The following IRAG2 variants were observed in gnomAD, a reference collection of about 807,000 sequenced individuals.
IRAG2 encodes inositol 1,4,5-triphosphate receptor associated 2.
In IRAG2, 45 loss-of-function variants were observed where a neutral mutation model predicts 69.9. The ratio of observed to expected loss-of-function variants is 0.64; its 90% CI spans 0.51 to 0.83. IRAG2 has a LOEUF of 0.83. IRAG2 is among the 40% of genes least tolerant of loss of function. The pLI, the probability that IRAG2 is intolerant of heterozygous loss-of-function variation, is 0.00. For synonymous variants in IRAG2, 193 were observed against 202.4 expected, an observed-to-expected ratio of 0.95 and a Z score of 0.40; for missense variants, 520 against 587.0, an observed-to-expected ratio of 0.89 and a Z score of 1.18.
At chr12:25,033,678 C>A (rs770044086) in intron 12 of IRAG2, 1 of 384,544 alleles carries the variant, frequency 2.6e-6, no homozygotes, top group Non-Finnish European at 4.6e-6. Flanking sequence ...CTGTGCAGCT[C>A]CTGGAGGACA....
intron 9 of IRAG2, among the ~76,000 whole-genome samples, chr12:25,080,353 A>ACC (rs1283073945): frequency 1.0e-4 from 14 of 137,634 alleles, no homozygotes; most frequent in African/African-American, 3.8e-4. Flanking sequence ...TTTTTCTTTT[A>ACC]TCTTTTTTTT....
At chr12:25,036,631 G>A (rs1405319617) in exon 15 of IRAG2, 6 of 398,742 alleles carry the variant, frequency 1.5e-5, no homozygotes, top group South Asian at 1.3e-4. Flanking sequence ...AACTCTCGAC[G>A]GTGGGTAACT....
intron 11 of IRAG2, among the ~76,000 whole-genome samples, chr12:25,088,806 A>G (rs891267061): frequency 2.6e-5 from 4 of 152,234 alleles, no homozygotes; most frequent in Admixed American, 1.3e-4. Context: ...GGACAATAAA[A>G]GTATCTACAA....
chr12:25,084,401 AAAG>A (rs1457171951), intron 10 of IRAG2, among the ~76,000 whole-genome samples: 7 of 152,140 alleles, frequency 4.6e-5, no homozygotes, highest in Middle Eastern at 3.4e-3. Flanking sequence ...AAAAGAAAAA[AAAG>A]AGAGAGAGAG....
chr12:25,070,372 T>C (rs1946262752), intron 6 of IRAG2, among the ~76,000 whole-genome samples: 1 of 152,212 alleles, frequency 6.6e-6, no homozygotes, highest in African/African-American at 2.4e-5. Context: ...TCATACAATA[T>C]ATGGCCTTCT....
intron 2 of IRAG2, among the ~76,000 whole-genome samples, chr12:25,006,588 TG>T (rs1454554869): frequency 6.6e-6 from 1 of 152,208 alleles, no homozygotes; most frequent in Non-Finnish European, 1.5e-5. Flanking sequence ...TGGATGCAGC[TG>T]GAGGCTATTA....
chr12:25,032,161 A>C (rs1315307883), exon 11 of IRAG2: 2 of 398,940 alleles, frequency 5.0e-6, no homozygotes, highest in Non-Finnish European at 8.8e-6. Context: ...TATATAGAAG[A>C]ACTTAAATCA....
intron 3 of IRAG2, among the ~76,000 whole-genome samples, chr12:25,012,279 A>T (rs1364089104): frequency 6.7e-6 from 1 of 149,952 alleles, no homozygotes; most frequent in African/African-American, 2.5e-5. Flanking sequence ...CACACCCTCC[A>T]GAGTAGCTGG....
upstream of IRAG2, among the ~76,000 whole-genome samples, chr12:25,048,394 T>C (rs1316307413): frequency 6.6e-6 from 1 of 152,120 alleles, no homozygotes. Flanking sequence ...CCTCCCAGGT[T>C]CAAGCGATTC....
chr12:25,023,744 A>G, intron 7 of IRAG2: 1 of 437,822 alleles, frequency 2.3e-6, no homozygotes, highest in Non-Finnish European at 3.8e-6. Context: ...TTTTCAGAGT[A>G]GGCTCATTTG....
upstream of IRAG2, among the ~76,000 whole-genome samples, chr12:25,000,198 C>G (rs957145662): frequency 6.6e-6 from 1 of 152,332 alleles, no homozygotes; most frequent in Non-Finnish European, 1.5e-5. Flanking sequence ...GTAATTCCAG[C>G]ACTTTGGGAG....
At position 25,104,003 on chromosome 12, in the gene IRAG2, C is replaced by G; in HGVS notation, c.997-6C>G. 6.2e-7 allele frequency: 1 copy of G among 1,612,972 alleles called. No individual in the cohort carries two copies. The highest frequency in any genetic ancestry group is 8.5e-7 in the Non-Finnish European group (1 of 1,179,302). On this transcript the variant is annotated splice_region_variant and splice_polypyrimidine_tract_variant and intron_variant, in intron 18 of 21. Transcript: ENST00000556887. ...ATTTCTTTTAACATTTGAACTTCTACTAAAGGTGGCTGGGATGGAAAATAA... is the reference window on the plus strand; with the variant it reads ...ATTTCTTTTAACATTTGAACTTCTAGTAAAGGTGGCTGGGATGGAAAATAA...
chr12:25,016,196 A>AG (rs1315644124), intron 5 of IRAG2, among the ~76,000 whole-genome samples: 2 of 24,394 alleles, frequency 8.2e-5, no homozygotes, highest in Non-Finnish European at 1.8e-4. Context: ...ACTCCATCTC[A>AG]AAAAAAAAAA....
At chr12:25,030,263 T>G in intron 9 of IRAG2, 1 of 1,231,430 alleles carries the variant, frequency 8.1e-7, no homozygotes, top group Non-Finnish European at 1.0e-6. Context: ...CTTCCCTAAA[T>G]TCGTCTCTTT....
intron 10 of IRAG2, among the ~76,000 whole-genome samples, chr12:25,087,217 G>A (rs1411912848): frequency 7.9e-6 from 1 of 126,130 alleles, no homozygotes; most frequent in African/African-American, 3.0e-5. Flanking sequence ...GCCTAGCTTG[G>A]AGTGCAGTGG....
chr12:25,023,860 CA>C (rs767888021), intron 7 of IRAG2: 81 of 1,204,110 alleles, frequency 6.7e-5, no homozygotes, highest in Non-Finnish European at 7.8e-5. Context: ...ATTTTTCTCA[CA>C]ATGAATTAGG....
chr12:25,017,654 G>T (rs567078773), intron 6 of IRAG2, among the ~76,000 whole-genome samples: 1 of 151,688 alleles, frequency 6.6e-6, no homozygotes, highest in Non-Finnish European at 1.5e-5. Context: ...GGAGGCAGAA[G>T]TTGCAGTAAG....
intron 11 of IRAG2, among the ~76,000 whole-genome samples, chr12:25,088,407 G>A (rs1947793264): frequency 1.3e-5 from 2 of 152,250 alleles, no homozygotes; most frequent in African/African-American, 4.8e-5. Flanking sequence ...CCAAGCGAAT[G>A]TTGGTAGCAA....
At chr12:25,086,065 A>T (rs1159454239) in intron 10 of IRAG2, among the ~76,000 whole-genome samples, 1 of 152,192 alleles carries the variant, frequency 6.6e-6, no homozygotes, top group Non-Finnish European at 1.5e-5. Flanking sequence ...TTCTGAGAGA[A>T]TAAAATTCCT....
Sources: allele counts gnomAD v4.1 joint callset (sites outside exome capture counted in the v4.1 genomes callset), GRCh38; gene constraint gnomAD v4.1.1; transcripts MANE v1.5; gene names NCBI Gene and HGNC (gene_info 2026-07-23, HGNC 2026-07-21).